Variants in KCNQ4 observed in about 807,000 individuals in gnomAD.
The protein encoded by KCNQ4 is potassium voltage-gated channel subfamily Q member 4.
Under a neutral mutation model 72.6 loss-of-function variants are expected in KCNQ4, and 31 were observed. The observed-to-expected ratio is 0.43, with a 90% CI of 0.32 to 0.58. The LOEUF (loss-of-function observed/expected upper bound fraction) is 0.58, where lower values mean the gene tolerates loss of function less well. Among genes scored for constraint, KCNQ4 ranks in the 20% least tolerant of loss-of-function variants. The pLI, the probability that KCNQ4 is intolerant of heterozygous loss-of-function variation, is 0.08. For synonymous variants in KCNQ4, 405 were observed against 403.7 expected (o/e 1.00, Z -0.04); for missense variants, 869 against 962.6 (o/e 0.90, Z 1.29).
intron 1 of KCNQ4, among the ~76,000 whole-genome samples, chr1:40,786,947 T>G (rs1647209056): frequency 6.6e-6 from 1 of 152,122 alleles, no homozygotes; most frequent in African/African-American, 2.4e-5. Flanking sequence ...GCCAGACCAT[T>G]ACACTTTGGG....
intron 8 of KCNQ4, among the ~76,000 whole-genome samples, chr1:40,823,546 T>C (rs775351369): frequency 5.9e-5 from 9 of 152,028 alleles, no homozygotes; most frequent in Admixed American, 2.0e-4. Context: ...ATCCATGCAA[T>C]GGGAAGGCAG....
intron 7 of KCNQ4, among the ~76,000 whole-genome samples, chr1:40,820,741 G>A (rs1260799345): frequency 2.0e-5 from 3 of 152,212 alleles, no homozygotes; most frequent in Admixed American, 6.5e-5. Flanking sequence ...GGCCTGCAAA[G>A]TTGAGCTGGG....
chr1:40,784,534 C>A lies in KCNQ4; in HGVS notation c.314+127C>A, dbSNP rs1027393041. The A allele has an allele frequency of 2.2e-6, 2 of 895,448 alleles. No individual in the cohort carries two copies. Among genetic ancestry groups the A allele is most frequent in the Non-Finnish European group, 3.6e-6 (2 of 559,114 alleles). 55.5% of individuals were successfully genotyped at this position (895,448 alleles called of 1,614,324 possible). A position where few individuals can be genotyped will look rare whatever the true frequency, so the allele number is the denominator to read the frequency against. Reference sequence around the variant, plus strand: ...AGGGCCGACCCTCATCTCTCTCCCCCCAGGCCTAAGCCCGGTTTCTGATCC... The same window carrying A: ...AGGGCCGACCCTCATCTCTCTCCCCACAGGCCTAAGCCCGGTTTCTGATCC... On this transcript the variant is annotated intron_variant, in intron 1 of 13. Coordinates refer to ENST00000347132, the MANE Select transcript of KCNQ4 (RefSeq NM_004700.4). This position sits in a 1 kb window ranked among gnomAD's most constrained non-coding sequence, Gnocchi z 4.1.
In KCNQ4 at chr1:40,838,764, G is replaced by T; in HGVS notation, c.*241G>T. On this transcript the variant is annotated 3_prime_UTR_variant, in exon 14 of 14. Coordinates refer to ENST00000347132, the MANE Select transcript of KCNQ4 (RefSeq NM_004700.4). ...AGGGCAGCAGCAGCGGCCGTCCCGC[G>T]GCCTCTGGGCCCCCCAGTGCCCTGC... 3.4e-6 allele frequency: 2 copies of T among 587,462 alleles called. No individual in the cohort carries two copies. Among genetic ancestry groups the T allele is most frequent in the South Asian group, 3.9e-5 (2 of 51,134 alleles). The allele number at this position is 587,462 out of a possible 1,614,324, so 36.4% of individuals were successfully genotyped here. A position where few individuals can be genotyped will look rare whatever the true frequency, so the allele number is the denominator to read the frequency against.
At chr1:40,819,572 G>T (rs1173066810) in intron 5 of KCNQ4, 100 bp downstream of exon 5, 1 of 1,487,138 alleles carries the variant, frequency 6.7e-7, no homozygotes, top group East Asian at 2.3e-5. Flanking sequence ...GGTTGAGCGG[G>T]CCTGCCCCTG....
At chr1:40,820,976 C>A (rs1475394684) in intron 7 of KCNQ4, among the ~76,000 whole-genome samples, 1 of 152,194 alleles carries the variant, frequency 6.6e-6, no homozygotes, top group African/African-American at 2.4e-5. Context: ...TCCACCTCTG[C>A]CTGCTCCCTA....
chr1:40,800,246 G>T (rs1445201450), intron 1 of KCNQ4, among the ~76,000 whole-genome samples: 1 of 152,114 alleles, frequency 6.6e-6, no homozygotes, highest in Non-Finnish European at 1.5e-5. Flanking sequence ...AGGGAGGGAT[G>T]GGCCCAGTGT....
At chr1:40,826,787 G>A (rs1379948081) in intron 9 of KCNQ4, 1 of 392,542 alleles carries the variant, frequency 2.5e-6, no homozygotes, top group African/African-American at 2.1e-5. Context: ...AGGACAAGGT[G>A]CATGTGCCTG....
chr1:40,805,383 T>C (rs765113696), intron 1 of KCNQ4, among the ~76,000 whole-genome samples: 1 of 152,094 alleles, frequency 6.6e-6, no homozygotes, highest in Non-Finnish European at 1.5e-5. Context: ...CCATAGCCAG[T>C]AGATGGTCCG....
chr1:40,837,793 A>G lies in KCNQ4; in HGVS notation c.1874A>G (p.Gln625Arg). The G allele has an allele frequency of 6.2e-7, 1 of 1,606,748 alleles. No individual in the cohort carries two copies. The highest frequency in any genetic ancestry group is 1.7e-4 in the Middle Eastern group (1 of 6,012). ...GGACGCGTGGTCAAGGTGGAGAAGC[A>G]GGTGAGTGTAGGATGGGGTGGCGGA... is the stretch of plus-strand genomic sequence containing the variant. ...MMGRVVKVEKQVQSIEHKLDL... is the reference protein window; with the variant it reads ...MMGRVVKVEKRVQSIEHKLDL... Residue 625 changes from glutamine (Q) to arginine (R), a missense_variant and splice_region_variant, in exon 13 of 14, where the codon CAG becomes CGG. By Grantham distance (43) the Gln-to-Arg change is conservative. Around this residue, in one of 5 missense-constraint regions of KCNQ4, gnomAD observed 480 missense variants for 501.9 expected, o/e 0.96. Coordinates refer to ENST00000347132, the MANE Select transcript of KCNQ4 (RefSeq NM_004700.4).
At chr1:40,799,214 G>C (rs1430445019) in intron 1 of KCNQ4, among the ~76,000 whole-genome samples, 1 of 152,220 alleles carries the variant, frequency 6.6e-6, no homozygotes, top group Non-Finnish European at 1.5e-5. Flanking sequence ...AGGAGCTAGG[G>C]GGCAATGCTG....
chr1:40,808,715 G>C (rs1419653906), intron 1 of KCNQ4, among the ~76,000 whole-genome samples: 1 of 152,160 alleles, frequency 6.6e-6, no homozygotes, highest in African/African-American at 2.4e-5. Context: ...CTGGATCCCA[G>C]CCTCCCATCT....
intron 1 of KCNQ4, among the ~76,000 whole-genome samples, chr1:40,791,144 TC>T (rs1159391742): frequency 6.6e-6 from 1 of 152,108 alleles, no homozygotes; most frequent in Admixed American, 6.5e-5. Flanking sequence ...GAGATCTCAG[TC>T]CCCATGCTTA....
At position 40,837,782 on chromosome 1, in the gene KCNQ4, G is replaced by A. The variant is rs1648848759; in HGVS notation, c.1863G>A (p.Lys621=). ...TCAGCATGATGGGACGCGTGGTCAAGGTGGAGAAGCAGGTGAGTGTAGGAT... is the reference window on the plus strand; with the variant it reads ...TCAGCATGATGGGACGCGTGGTCAAAGTGGAGAAGCAGGTGAGTGTAGGAT... The part of the protein sequence containing the change: ...DEISMMGRVV[K]VEKQVQSIEH... The change falls in exon 13 of 14, where the codon AAG becomes AAA. Residue 621 remains lysine (K), a synonymous_variant. Coordinates refer to ENST00000347132, the MANE Select transcript of KCNQ4 (RefSeq NM_004700.4). The A allele has an allele frequency of 2.5e-6, 4 of 1,609,332 alleles. No individual in the cohort carries two copies. Among genetic ancestry groups the A allele is most frequent in the Non-Finnish European group, 2.5e-6 (3 of 1,178,186 alleles).
At chr1:40,831,388 C>T in intron 10 of KCNQ4, 84 bp downstream of exon 10, 1 of 1,160,436 alleles carries the variant, frequency 8.6e-7, no homozygotes, top group Non-Finnish European at 1.3e-6. Context: ...GCAGAAAGAT[C>T]TGGCTCGCGT....
rs767862664 is a variant in KCNQ4 at position 40,835,009 on chromosome 1, A to C, written c.1656A>C (p.Thr552=). ...TGGCCAAAAGGAAATTCAAGGAGACACTGCGACCGTACGACGTGAAGGACG... is the reference window on the plus strand; with the variant it reads ...TGGCCAAAAGGAAATTCAAGGAGACCCTGCGACCGTACGACGTGAAGGACG... ...FLVAKRKFKE[T]LRPYDVKDVI... The change falls in exon 12 of 14, where the codon ACA becomes ACC. Residue 552 remains threonine, a synonymous_variant. Coordinates refer to ENST00000347132, the MANE Select transcript of KCNQ4 (RefSeq NM_004700.4). The C allele has an allele frequency of 4.3e-6, 7 of 1,613,966 alleles. No individual in the cohort carries two copies. The East Asian group carries it at 8.9e-5, about 21-fold the overall frequency.
chr1:40,831,450 A>T (rs1648644999), intron 10 of KCNQ4, 146 bp downstream of exon 10: 9 of 673,970 alleles, frequency 1.3e-5, no homozygotes, highest in Non-Finnish European at 2.3e-5. Flanking sequence ...TCTCATCTGT[A>T]AAATGGGCAT....
At position 40,818,488 on chromosome 1, in the gene KCNQ4, C is replaced by T; in HGVS notation, c.533-17C>T. On this transcript the variant is annotated splice_polypyrimidine_tract_variant and intron_variant, in intron 3 of 13. Transcript: ENST00000347132. ...CGGGGTAGGCTGGCTGTGATCTCGC[C>T]GCCCCCGCCCCTGCAGACTTCATCG... is the stretch of plus-strand genomic sequence containing the variant. 1 of 1,599,708 alleles carries T rather than the reference C, an allele frequency of 6.3e-7. No individual in the cohort carries two copies. Among genetic ancestry groups the T allele is most frequent in the Non-Finnish European group, 8.5e-7 (1 of 1,179,758 alleles).
intron 9 of KCNQ4, among the ~76,000 whole-genome samples, chr1:40,824,802 C>A (rs916693276): frequency 3.9e-5 from 6 of 152,164 alleles, no homozygotes; most frequent in African/African-American, 1.4e-4. Flanking sequence ...GTAGGACCTG[C>A]GTAAACTCAG....
Sources: allele counts gnomAD v4.1 joint callset (sites outside exome capture counted in the v4.1 genomes callset), GRCh38; gene constraint gnomAD v4.1.1; regional missense constraint gnomAD v4.1.1; non-coding constraint Gnocchi (gnomAD v3.1); transcripts MANE v1.5; gene names NCBI Gene and HGNC (gene_info 2026-07-23, HGNC 2026-07-21).